Variants in FGF12 observed in about 807,000 individuals in gnomAD.
The protein encoded by FGF12 is fibroblast growth factor 12B.
FGF12 carries 14 observed loss-of-function variants against 23.6 expected under a neutral mutation model. That is an observed-to-expected ratio of 0.59 (90% CI 0.39 to 0.93). FGF12 has a LOEUF of 0.93. FGF12 is among the 40% of genes least tolerant of loss of function. The probability of loss-of-function intolerance (pLI) is 0.00; values close to 1 mark genes in which losing one functional copy is unlikely to be tolerated. For missense variants in FGF12, 175 were observed against 217.8 expected (o/e 0.80, Z 1.24); for synonymous variants, 62 against 77.3 (o/e 0.80, Z 1.04).
intron 4 of FGF12, among the ~76,000 whole-genome samples, chr3:192,189,536 T>C (rs1005321383): frequency 2.0e-5 from 3 of 152,180 alleles, no homozygotes; most frequent in African/African-American, 7.2e-5. Context: ...TACTTGGAAA[T>C]AGGACCTTTA....
intron 2 of FGF12, among the ~76,000 whole-genome samples, chr3:192,678,636 A>G (rs1208619217): frequency 6.6e-6 from 1 of 152,234 alleles, no homozygotes; most frequent in Non-Finnish European, 1.5e-5. Context: ...ATATATGTGC[A>G]AAATTCATAG....
At chr3:192,187,015 T>C (rs1716508909) in intron 4 of FGF12, among the ~76,000 whole-genome samples, 1 of 152,186 alleles carries the variant, frequency 6.6e-6, no homozygotes, top group South Asian at 2.1e-4. Context: ...TTTCATCATT[T>C]TATAAAAGGA....
At chr3:192,553,416 G>A (rs1711615702) in intron 2 of FGF12, among the ~76,000 whole-genome samples, 1 of 152,038 alleles carries the variant, frequency 6.6e-6, no homozygotes. Flanking sequence ...CTCTAAGTAA[G>A]TAATAATAAA....
chr3:192,399,668 T>C (rs1576949862), intron 2 of FGF12, among the ~76,000 whole-genome samples: 1 of 152,220 alleles, frequency 6.6e-6, no homozygotes, highest in Non-Finnish European at 1.5e-5. Context: ...CATATTAGCA[T>C]AGACTTTCTA....
chr3:192,555,031 C>T (rs1348109902), intron 2 of FGF12, among the ~76,000 whole-genome samples: 2 of 151,920 alleles, frequency 1.3e-5, no homozygotes, highest in Non-Finnish European at 2.9e-5. Flanking sequence ...GACTAAGAAA[C>T]TTATGGCACA....
intron 4 of FGF12, among the ~76,000 whole-genome samples, chr3:192,218,293 G>A (rs1718300270): frequency 6.6e-6 from 1 of 152,180 alleles, no homozygotes; most frequent in Non-Finnish European, 1.5e-5. Context: ...ATCTTTTGGG[G>A]CCAGTTGATC....
chr3:192,196,533 CT>C (rs2108655488), intron 4 of FGF12, among the ~76,000 whole-genome samples: 2 of 151,308 alleles, frequency 1.3e-5, no homozygotes, highest in South Asian at 4.2e-4. Context: ...GACAGTAGAG[CT>C]TTTTAATTGC....
chr3:192,211,734 T>G (rs1309029576), intron 4 of FGF12, among the ~76,000 whole-genome samples: 1 of 152,144 alleles, frequency 6.6e-6, no homozygotes, highest in Admixed American at 6.5e-5. Flanking sequence ...GCCTTTATTT[T>G]TTGTAAACAT....
rs1723515466 is a variant in FGF12 at position 192,482,783 on chromosome 3, A to T, written c.14-122245T>A. On this transcript the variant is annotated intron_variant, in intron 2 of 5. Coordinates refer to ENST00000445105, the MANE Select transcript of FGF12 (RefSeq NM_004113.6). ...AGCAGTAAAACAAAATAATAATAAA[A>T]TTTTCAAAAGCTATTAAAAGGATGA... Among the ~76,000 whole-genome samples the T allele has an allele frequency of 2.0e-5, 3 of 152,184 alleles. No homozygotes were observed. The South Asian group carries it at 6.2e-4, about 31-fold the overall frequency.
chr3:192,422,970 C>T (rs984287357), intron 2 of FGF12, among the ~76,000 whole-genome samples: 30 of 152,254 alleles, frequency 2.0e-4, no homozygotes, highest in Admixed American at 1.8e-3. Context: ...AGAATGCTCT[C>T]AGCTATAAGA....
At chr3:192,536,818 T>C (rs920713127) in intron 2 of FGF12, among the ~76,000 whole-genome samples, 2 of 152,174 alleles carry the variant, frequency 1.3e-5, no homozygotes, top group Non-Finnish European at 2.9e-5. Flanking sequence ...AATCCAATTA[T>C]AGTTTTAGTT....
intron 4 of FGF12, among the ~76,000 whole-genome samples, chr3:192,175,192 C>T (rs1447117274): frequency 1.3e-5 from 2 of 152,154 alleles, no homozygotes; most frequent in Non-Finnish European, 1.5e-5. Context: ...CGGAAACAGG[C>T]AGGCTTGGGG....
intron 2 of FGF12, among the ~76,000 whole-genome samples, chr3:192,544,621 CAT>C (rs1163938846): frequency 1.3e-5 from 2 of 152,108 alleles, no homozygotes; most frequent in Non-Finnish European, 2.9e-5. Flanking sequence ...CATAACAAAA[CAT>C]ATAGATTTCT....
At chr3:192,240,071 T>C (rs1395989258) in intron 4 of FGF12, among the ~76,000 whole-genome samples, 1 of 152,236 alleles carries the variant, frequency 6.6e-6, no homozygotes, top group Non-Finnish European at 1.5e-5. Flanking sequence ...AGTTGTCTTA[T>C]ACATTTTTCA....
At chr3:192,505,545 A>AAGAGATTTTCTTACTCTAC (rs1297661336) in intron 2 of FGF12, among the ~76,000 whole-genome samples, 1 of 152,242 alleles carries the variant, frequency 6.6e-6, no homozygotes, top group African/African-American at 2.4e-5. Context: ...ATAGATTTAT[A>AAGAGATTTTCTTACTCTAC]AGAGATTTTC....
intron 2 of FGF12, among the ~76,000 whole-genome samples, chr3:192,623,262 T>C (rs2062832): frequency 0.77 from 117,021 of 152,148 alleles, 45,905 homozygotes; most frequent in African/African-American, 0.94. Flanking sequence ...GGGTATCATC[T>C]TTTTTCTGAT....
intron 2 of FGF12, among the ~76,000 whole-genome samples, chr3:192,426,687 A>C (rs1209565084): frequency 1.3e-5 from 2 of 152,198 alleles, no homozygotes; most frequent in Non-Finnish European, 2.9e-5. Context: ...GTGACATCCC[A>C]GTAACTATAT....
At chr3:192,487,106 T>C (rs1045826238) in intron 2 of FGF12, among the ~76,000 whole-genome samples, 2 of 152,074 alleles carry the variant, frequency 1.3e-5, no homozygotes, top group Non-Finnish European at 2.9e-5. Flanking sequence ...ATTTCCCCAT[T>C]TGGAAAGTGC....
chr3:192,640,272 C>G (rs1239146704), intron 2 of FGF12, among the ~76,000 whole-genome samples: 1 of 151,870 alleles, frequency 6.6e-6, no homozygotes, highest in African/African-American at 2.4e-5. Context: ...CTGATTTGCT[C>G]TAGGAACCAT....
Sources: allele counts gnomAD v4.1 joint callset (sites outside exome capture counted in the v4.1 genomes callset), GRCh38; gene constraint gnomAD v4.1.1; transcripts MANE v1.5; gene names NCBI Gene and HGNC (gene_info 2026-07-23, HGNC 2026-07-21).